The following MED13 variants were observed in gnomAD, a reference collection of about 807,000 sequenced individuals.
MED13 encodes mediator complex subunit 13, also known as mediator of RNA polymerase II transcription subunit 13.
MED13 carries 23 observed loss-of-function variants against 225.2 expected under a neutral mutation model. That is an observed-to-expected ratio of 0.10 (90% confidence interval 0.07 to 0.14). The LOEUF is 0.14. Ranked by LOEUF, MED13 falls within the 10% of genes least tolerant of loss-of-function variation. The pLI is 1.00. For synonymous variants in MED13, 942 were observed against 889.2 expected (o/e 1.06, Z -1.06); for missense variants, 2,197 against 2,594.5 (o/e 0.85, Z 3.33).
intron 16 of MED13, among the ~76,000 whole-genome samples, chr17:61,978,644 T>C (rs1253679684): frequency 2.0e-5 from 3 of 152,168 alleles, no homozygotes; most frequent in Non-Finnish European, 4.4e-5. Flanking sequence ...TGGCCCAAGG[T>C]AGCAGGTAGT....
At chr17:62,062,598 CA>C (rs2081048212) in intron 2 of MED13, among the ~76,000 whole-genome samples, 7 of 103,504 alleles carry the variant, frequency 6.8e-5, no homozygotes, top group Non-Finnish European at 1.3e-4. Context: ...CACACACACA[CA>C]CCACACACAC....
chr17:61,993,753 A>C (rs2080322935), intron 10 of MED13, among the ~76,000 whole-genome samples: 1 of 151,802 alleles, frequency 6.6e-6, no homozygotes, highest in African/African-American at 2.4e-5. Context: ...AACATGGAGA[A>C]ATCTCGTCTC....
intron 3 of MED13, chr17:62,036,967 AT>A (rs1567993589): frequency 6.6e-6 from 1 of 152,164 alleles, no homozygotes. Context: ...ATCGAAATAA[AT>A]TTTTTTTAGG....
intron 3 of MED13, among the ~76,000 whole-genome samples, chr17:62,046,211 A>T (rs2080896276): frequency 6.6e-6 from 1 of 152,246 alleles, no homozygotes; most frequent in Admixed American, 6.5e-5. Context: ...ACAGAAAAGA[A>T]GTCCGAAGTA....
intron 2 of MED13, among the ~76,000 whole-genome samples, chr17:62,056,834 A>G (rs1316145460): frequency 6.6e-6 from 1 of 152,216 alleles, no homozygotes; most frequent in Non-Finnish European, 1.5e-5. Flanking sequence ...CTGCATTCTT[A>G]GTACTTTTCT....
intron 2 of MED13, among the ~76,000 whole-genome samples, chr17:62,062,600 C>CACCA (rs914034052): frequency 1.6e-3 from 216 of 136,300 alleles, no homozygotes; most frequent in Non-Finnish European, 2.9e-3. Context: ...CACACACACA[C>CACCA]CACACACACA....
Position 62,035,541 on chromosome 17 carries a change from T to C in MED13, c.538A>G (p.Ile180Val). 2.5e-6 allele frequency: 4 copies of C among 1,613,848 alleles called. No homozygotes were observed. The highest frequency in any genetic ancestry group is 3.4e-6 in the Non-Finnish European group (4 of 1,179,818). ...GDSNVCTSVEINQHQPVYLLS... is the reference protein window; with the variant it reads ...GDSNVCTSVEVNQHQPVYLLS... ...AGGTATACAGGTTGATGTTGGTTAA[T>C]TTCCACACTGGTACAAACATTGCTG... The change falls in exon 4 of 30, where the codon ATT (isoleucine) becomes GTT (valine). Residue 180 changes from isoleucine to valine, a missense_variant. This residue lies in a region of MED13 where 884 missense variants were observed against 918.5 expected (regional missense o/e 0.96). Coordinates refer to ENST00000397786, the MANE Select transcript of MED13 (RefSeq NM_005121.3).
chr17:61,992,241 C>T (rs557703289), intron 11 of MED13, among the ~76,000 whole-genome samples: 5 of 152,210 alleles, frequency 3.3e-5, no homozygotes, highest in Admixed American at 2.0e-4. Context: ...CTTCCTTTCA[C>T]GTAATTCCCA....
chr17:61,946,318 T>TC lies in MED13; in HGVS notation c.*149dup. On this transcript the variant is annotated 3_prime_UTR_variant, in exon 30 of 30. Coordinates refer to ENST00000397786, the MANE Select transcript of MED13 (RefSeq NM_005121.3). ...TGAAAAATAGCAGGGTTATAGCCCC[T>TC]CCCCCCAAGTCAAAACAATATTTGT... 4 of 882,270 alleles carry TC rather than the reference T, an allele frequency of 4.5e-6. No homozygotes were observed. The highest frequency in any genetic ancestry group is 3.3e-6 in the Non-Finnish European group (2 of 597,504). 54.7% of individuals were successfully genotyped at this position (882,270 alleles called of 1,614,324 possible).
intron 9 of MED13, among the ~76,000 whole-genome samples, chr17:62,008,037 G>T (rs1297286767): frequency 1.1e-5 from 1 of 88,202 alleles, no homozygotes; most frequent in East Asian, 9.4e-4. Context: ...AAAAAAAAAA[G>T]CTGTGCGCAG....
At chr17:62,034,120 A>C (rs915535673) in intron 4 of MED13, 136 bp from the exon 5 acceptor site, 1 of 693,970 alleles carries the variant, frequency 1.4e-6, no homozygotes, top group Non-Finnish European at 2.4e-6. Flanking sequence ...CCAGAGAAAA[A>C]TCAACTTATT....
intron 16 of MED13, among the ~76,000 whole-genome samples, chr17:61,977,539 C>T (rs2080167712): frequency 6.6e-6 from 1 of 152,222 alleles, no homozygotes. Context: ...GTAAGCTCCC[C>T]CTCCCGGGTT....
chr17:61,989,201 G>A (rs919644524), intron 11 of MED13, among the ~76,000 whole-genome samples: 8 of 151,952 alleles, frequency 5.3e-5, no homozygotes, highest in Non-Finnish European at 7.4e-5. Context: ...TAGTAGAGAC[G>A]GGGTTTCACT....
rs2079830910 is a variant in MED13, at chr17:61,943,596, T to TA, written c.*2871dup. On this transcript the variant is annotated 3_prime_UTR_variant, in exon 30 of 30. Transcript: ENST00000397786. ...GGTTTAAGAAAAGTTTAGAAATATTTAAAAATTACAGCTACTTTAAAATTT... is the reference window on the plus strand; with the variant it reads ...GGTTTAAGAAAAGTTTAGAAATATTTAAAAAATTACAGCTACTTTAAAATTT... 1 of 152,614 alleles carries TA rather than the reference T, an allele frequency of 6.6e-6. No homozygotes were observed. Among genetic ancestry groups the TA allele is most frequent in the African/African-American group, 2.4e-5 (1 of 41,464 alleles). The allele number at this position is 152,614 out of a possible 1,614,324, so 9.5% of individuals were successfully genotyped here.
Position 61,977,459 on chromosome 17 carries a change from T to C in MED13, c.3806-4571A>G, listed in dbSNP as rs536312880. 1.4e-4 allele frequency among the ~76,000 whole-genome samples: 21 copies of C among 152,350 alleles called. No homozygotes were observed. The South Asian group carries it at 1.4e-3, about 11-fold the overall frequency. ...TGCACATTTATGTTTTCCAACATTA[T>C]TATTTTTCTTGAGACGGAGTCTCTC... is the stretch of plus-strand genomic sequence containing the variant. On this transcript the variant is annotated intron_variant, in intron 16 of 29. Transcript: ENST00000397786.
At chr17:62,003,740 C>T (rs531135570) in intron 9 of MED13, 1 of 150,666 alleles carries the variant, frequency 6.6e-6, no homozygotes, top group Non-Finnish European at 1.5e-5. Flanking sequence ...TTTCCCTTGT[C>T]TATAAGGCAG....
Position 61,984,159 on chromosome 17 carries a change from C to A in MED13, c.2888+12G>T, listed in dbSNP as rs1386078985. On this transcript the variant is annotated intron_variant, in intron 15 of 29. Transcript: ENST00000397786. ...AAGCAGTCACATACTATTGTAACAA[C>A]ATAAATCATACCCCTCTTTGATGAA... 6.6e-7 allele frequency: 1 copy of A among 1,515,622 alleles called. No individual in the cohort carries two copies. Among genetic ancestry groups the A allele is most frequent in the Non-Finnish European group, 8.8e-7 (1 of 1,134,284 alleles). 93.9% of individuals were successfully genotyped at this position (1,515,622 alleles called of 1,614,324 possible).
intron 3 of MED13, among the ~76,000 whole-genome samples, chr17:62,044,712 G>C (rs1028038613): frequency 4.6e-5 from 7 of 152,232 alleles, no homozygotes; most frequent in African/African-American, 1.7e-4. Context: ...ACCCAGGCTG[G>C]AGTGCAGTGG....
At chr17:61,979,080 T>A (rs1304915392) in intron 16 of MED13, among the ~76,000 whole-genome samples, 2 of 152,220 alleles carry the variant, frequency 1.3e-5, no homozygotes, top group East Asian at 3.8e-4. Flanking sequence ...TATGTGCATG[T>A]AAATAATACA....
Sources: gnomAD v4.1 joint callset for allele counts (sites outside exome capture counted in the v4.1 genomes callset) on GRCh38, gnomAD v4.1.1 for gene constraint, gnomAD v4.1.1 regional missense constraint, MANE v1.5 for transcripts, NCBI Gene and HGNC (gene_info 2026-07-23, HGNC 2026-07-21) for gene names.